LYRM4: variants seen among roughly 807,000 people sequenced by gnomAD.
LYRM4 encodes LYR motif-containing protein 4.
In LYRM4, 9 loss-of-function variants were observed where a neutral mutation model predicts 11.7. That is an observed-to-expected ratio of 0.77 (90% CI 0.46 to 1.34). LYRM4 has a LOEUF of 1.34. LYRM4 is among the 40% of genes most tolerant of loss of function. The pLI is 0.00. For synonymous variants in LYRM4, 42 were observed against 40.4 expected (o/e 1.04, Z -0.15); for missense variants, 133 against 112.5 (o/e 1.18, Z -0.82).
chr6:5,148,832 T>C (rs1217664236), intron 2 of LYRM4, among the ~76,000 whole-genome samples: 2 of 152,198 alleles, frequency 1.3e-5, no homozygotes, highest in Non-Finnish European at 2.9e-5. Flanking sequence ...TAAATATACA[T>C]ATAAAAATTA....
chr6:5,215,207 A>G (rs954943992), intron 2 of LYRM4, among the ~76,000 whole-genome samples: 1 of 152,076 alleles, frequency 6.6e-6, no homozygotes, highest in African/African-American at 2.4e-5. Flanking sequence ...CTGTTTTGCC[A>G]ACCTCTACAC....
intron 2 of LYRM4, among the ~76,000 whole-genome samples, chr6:5,155,556 A>G (rs781300516): frequency 1.6e-4 from 24 of 152,194 alleles, no homozygotes; most frequent in Non-Finnish European, 3.1e-4. Flanking sequence ...TGGGTGTTGG[A>G]AAGGCTGGGT....
intron 2 of LYRM4, among the ~76,000 whole-genome samples, chr6:5,208,113 A>G (rs1761800181): frequency 6.6e-6 from 1 of 152,178 alleles, no homozygotes; most frequent in Non-Finnish European, 1.5e-5. Context: ...CTCTTAGGAG[A>G]CACTGAGACA....
At chr6:5,230,811 G>A (rs1284999713) in intron 1 of LYRM4, among the ~76,000 whole-genome samples, 1 of 152,150 alleles carries the variant, frequency 6.6e-6, no homozygotes, top group Non-Finnish European at 1.5e-5. Flanking sequence ...ACATGAGCAA[G>A]GAAGGAAGGA....
the LYRM4 span, among the ~76,000 whole-genome samples, chr6:5,038,921 AG>A: frequency 2.0e-4 from 2 of 9,964 alleles, 1 homozygote; most frequent in South Asian, 8.1e-3. Context: ...GGAGAGGGAG[AG>A]GGAGAGGGAG....
chr6:5,172,270 A>G (rs1759473803), intron 2 of LYRM4, among the ~76,000 whole-genome samples: 1 of 152,222 alleles, frequency 6.6e-6, no homozygotes, highest in African/African-American at 2.4e-5. Context: ...AGCACGCTGT[A>G]ACACGAGCTG....
chr6:5,181,174 C>G (rs1561853211), intron 2 of LYRM4, among the ~76,000 whole-genome samples: 1 of 152,046 alleles, frequency 6.6e-6, no homozygotes, highest in Non-Finnish European at 1.5e-5. Context: ...TTTAAAAAAA[C>G]AAAACCACAA....
At chr6:5,069,930 A>AT in the LYRM4 span, among the ~76,000 whole-genome samples, 3 of 152,232 alleles carry the variant, frequency 2.0e-5, no homozygotes, top group Non-Finnish European at 2.9e-5. Context: ...CCAGCATGCA[A>AT]TAACTGTGAG....
chr6:5,232,530 C>A (rs1164345155), intron 1 of LYRM4, among the ~76,000 whole-genome samples: 1 of 152,212 alleles, frequency 6.6e-6, no homozygotes, highest in Non-Finnish European at 1.5e-5. Flanking sequence ...ATAAACCATT[C>A]ACATATCTCA....
intron 2 of LYRM4, among the ~76,000 whole-genome samples, chr6:5,175,393 T>C (rs1398547902): frequency 6.6e-6 from 1 of 152,174 alleles, no homozygotes. Context: ...CACTGGCACT[T>C]CTACACATGC....
At chr6:5,158,981 C>T (rs138857657) in intron 2 of LYRM4, among the ~76,000 whole-genome samples, 4 of 152,220 alleles carry the variant, frequency 2.6e-5, no homozygotes, top group African/African-American at 9.6e-5. Context: ...ATCATGCAGG[C>T]AGGTTCTGAA....
chr6:5,230,428 TC>T (rs938154343), intron 1 of LYRM4, among the ~76,000 whole-genome samples: 1 of 152,078 alleles, frequency 6.6e-6, no homozygotes, highest in African/African-American at 2.4e-5. Flanking sequence ...GCTTCTTTTT[TC>T]CCCCCACCTA....
intron 2 of LYRM4, among the ~76,000 whole-genome samples, chr6:5,151,978 A>G (rs1262647655): frequency 6.6e-6 from 1 of 152,176 alleles, no homozygotes; most frequent in Non-Finnish European, 1.5e-5. Context: ...GGAAAGCAGG[A>G]TCTTTGTGGG....
At chr6:5,046,272 G>A in the LYRM4 span, among the ~76,000 whole-genome samples, 31 of 151,690 alleles carry the variant, frequency 2.0e-4, no homozygotes, top group Admixed American at 1.4e-3. Context: ...TCAGCCTCCC[G>A]AGTAGCTGGG....
At chr6:5,066,885 C>A in the LYRM4 span, 1 of 1,079,732 alleles carries the variant, frequency 9.3e-7, no homozygotes, top group South Asian at 1.6e-5. Flanking sequence ...CAAGTGCTTT[C>A]GCATCGCCGC....
intron 2 of LYRM4, among the ~76,000 whole-genome samples, chr6:5,149,069 ATGAT>A (rs1347924771): frequency 3.9e-5 from 6 of 152,252 alleles, no homozygotes; most frequent in East Asian, 1.9e-4. Flanking sequence ...TTTCAGATAA[ATGAT>A]TGGATGAGTA....
the LYRM4 span, among the ~76,000 whole-genome samples, chr6:5,090,041 C>CA: frequency 5.3e-4 from 40 of 74,930 alleles, no homozygotes; most frequent in South Asian, 5.9e-3. This position sits in a 1 kb window ranked among gnomAD's most constrained non-coding sequence, Gnocchi z 4.8. Flanking sequence ...CACACACACA[C>CA]CACACACACA....
At chr6:5,256,491 GAAAAAAAAAAAAAAAA>G (rs1161084364) in intron 1 of LYRM4, among the ~76,000 whole-genome samples, 4 of 43,860 alleles carry the variant, frequency 9.1e-5, no homozygotes, top group East Asian at 7.3e-4. Flanking sequence ...ATTTCAACTG[GAAAAAAAAAAAAAAAA>G]AAAAAAAAAA....
At chr6:5,126,837 A>G (rs1402169335) in intron 2 of LYRM4, among the ~76,000 whole-genome samples, 1 of 152,094 alleles carries the variant, frequency 6.6e-6, no homozygotes, top group East Asian at 1.9e-4. Context: ...AGTGGGAGGG[A>G]GTGTGGAGTG....
Sources: gnomAD v4.1 joint callset for allele counts (sites outside exome capture counted in the v4.1 genomes callset) on GRCh38, gnomAD v4.1.1 for gene constraint, Gnocchi (gnomAD v3.1) non-coding constraint, MANE v1.5 for transcripts, NCBI Gene and HGNC (gene_info 2026-07-23, HGNC 2026-07-21) for gene names.